UNC13A: variants seen among roughly 807,000 people sequenced by gnomAD.
UNC13A encodes the protein unc-13 homolog A, also known as protein unc-13 homolog A.
Under a neutral mutation model 219.7 loss-of-function variants are expected in UNC13A, and 61 were observed. That is an observed-to-expected ratio of 0.28 (90% CI 0.23 to 0.34). UNC13A has a LOEUF of 0.34. Among genes scored for constraint, UNC13A ranks in the 10% least tolerant of loss-of-function variants. The pLI, the probability that UNC13A is intolerant of heterozygous loss-of-function variation, is 1.00. For missense variants in UNC13A, 1,476 were observed against 2,270.3 expected, an observed-to-expected ratio of 0.65 and a Z score of 7.11; for synonymous variants, 920 against 884.6, an observed-to-expected ratio of 1.04 and a Z score of -0.71.
chr19:17,672,072 A>G (rs1341510634), intron 4 of UNC13A, among the ~76,000 whole-genome samples: 1 of 152,136 alleles, frequency 6.6e-6, no homozygotes, highest in Admixed American at 6.6e-5. Context: ...GTTCTGGCCA[A>G]TGAGATGTGC....
At chr19:17,644,989 C>G (rs913882645) in intron 19 of UNC13A, among the ~76,000 whole-genome samples, 7 of 148,964 alleles carry the variant, frequency 4.7e-5, no homozygotes, top group African/African-American at 1.7e-4. Flanking sequence ...AGCCACTGCC[C>G]GGCGCCCCCA....
At chr19:17,653,249 G>T (rs572875012) in intron 11 of UNC13A, among the ~76,000 whole-genome samples, 138 of 151,772 alleles carry the variant, frequency 9.1e-4, no homozygotes, top group African/African-American at 3.2e-3. Flanking sequence ...TGAACTCCTG[G>T]CCTCATGTGA....
intron 1 of UNC13A, among the ~76,000 whole-genome samples, chr19:17,680,889 CTTTTTTTTTTTTTTTT>C (rs375785182): frequency 2.1e-5 from 1 of 48,696 alleles, no homozygotes; most frequent in Admixed American, 2.8e-4. Context: ...CTTTTCTTTT[CTTTTTTTTTTTTTTTT>C]TTTTTTTGAC....
chr19:17,620,870 C>G, intron 37 of UNC13A, 148 bp from the exon 38 acceptor site: 1 of 839,858 alleles, frequency 1.2e-6, no homozygotes, highest in Non-Finnish European at 2.0e-6. Flanking sequence ...GCCCCCTCCC[C>G]AGCTAGCACC....
At chr19:17,637,171 C>T (rs1365789200) in intron 25 of UNC13A, among the ~76,000 whole-genome samples, 2 of 151,946 alleles carry the variant, frequency 1.3e-5, no homozygotes, top group African/African-American at 4.8e-5. Context: ...GATAGGGTCT[C>T]GCTATGTTGC....
rs75318204 is a variant in UNC13A, at chr19:17,642,032, A to C, written c.2473-476T>G. ...TTCATCCATTTGTCCATCTGCCTATACATCCATCCATCCATCCATCCATCT... is the reference window on the plus strand; with the variant it reads ...TTCATCCATTTGTCCATCTGCCTATCCATCCATCCATCCATCCATCCATCT... On this transcript the variant is annotated intron_variant, in intron 20 of 43. Transcript: ENST00000519716. 3.0e-3 allele frequency among the ~76,000 whole-genome samples: 448 copies of C among 150,386 alleles called. 4 individuals carry two copies. The highest frequency in any genetic ancestry group is 0.011 in the African/African-American group (440 of 40,756).
chr19:17,616,341 G>C lies in UNC13A; in HGVS notation c.4558+1361C>G, dbSNP rs546809767. ...CAGAAGGACGATCCTTTTACTAGCC[G>C]GGGCCAGGAGGGGCGCAGGCACCGG... On this transcript the variant is annotated intron_variant, in intron 41 of 43. Transcript: ENST00000519716. 3.0e-4 allele frequency: 202 copies of C among 670,602 alleles called. No individual in the cohort carries two copies. In the African/African-American group the frequency reaches 3.2e-3, roughly 11 times the overall value. The allele number at this position is 670,602 out of a possible 1,614,324, so 41.5% of individuals were successfully genotyped here.
At chr19:17,614,988 T>G (rs1219643222) in intron 41 of UNC13A, among the ~76,000 whole-genome samples, 1 of 152,062 alleles carries the variant, frequency 6.6e-6, no homozygotes, top group African/African-American at 2.4e-5. Flanking sequence ...GGTGCCCCCA[T>G]CCCGTGCTTT....
intron 4 of UNC13A, among the ~76,000 whole-genome samples, chr19:17,670,563 T>A (rs1218625883): frequency 6.6e-6 from 1 of 151,566 alleles, no homozygotes; most frequent in East Asian, 2.0e-4. Context: ...CTCGCTTACC[T>A]AGATTGTTGC....
At chr19:17,666,510 T>G (rs1441836010) in intron 7 of UNC13A, 140 bp downstream of exon 7, 1 of 589,710 alleles carries the variant, frequency 1.7e-6, no homozygotes, top group Non-Finnish European at 2.6e-6. Flanking sequence ...GAACGCTGAT[T>G]TCTAATACAC....
intron 8 of UNC13A, among the ~76,000 whole-genome samples, chr19:17,661,869 C>T (rs2079556348): frequency 6.6e-6 from 1 of 152,102 alleles, no homozygotes; most frequent in Non-Finnish European, 1.5e-5. Context: ...AGTGAAGTTT[C>T]ATCTGTATTT....
At position 17,666,688 on chromosome 19, in the gene UNC13A, T is replaced by C. The variant is rs370472434; in HGVS notation, c.485A>G (p.Glu162Gly). Reference protein sequence around the residue: ...RDQDEYSFQDEQDKPLPVPSN... With the variant: ...RDQDEYSFQDGQDKPLPVPSN... ...GGGGACAGGCAGAGGCTTGTCTTGC[T>C]CATCTTGGAACGAATACTGAAGGGG... The change falls in exon 7 of 44, where the codon GAG (glutamate) becomes GGG (glycine). Residue 162 changes from glutamate (E) to glycine (G), a missense_variant. Transcript: ENST00000519716. 12 of 1,529,062 alleles carry C rather than the reference T, an allele frequency of 7.8e-6. No homozygotes were observed. In the African/African-American group the frequency reaches 1.4e-4, roughly 18 times the overall value. 94.7% of individuals were successfully genotyped at this position (1,529,062 alleles called of 1,614,324 possible).
intron 8 of UNC13A, among the ~76,000 whole-genome samples, chr19:17,659,912 T>C (rs892389793): frequency 2.0e-5 from 3 of 152,178 alleles, no homozygotes; most frequent in Non-Finnish European, 4.4e-5. Context: ...TATTCATCCA[T>C]TCATTTAGAC....
In UNC13A at chr19:17,603,125, G is replaced by A. The variant is rs73922143; in HGVS notation, c.*2929C>T. On this transcript the variant is annotated 3_prime_UTR_variant, in exon 44 of 44. Transcript: ENST00000519716. ...AAAGAGGGTGGAAATTGCAAAAACA[G>A]TTCTAGCCTGGGAGTCAGGAAAACT... 1 of 152,150 alleles carries A rather than the reference G, an allele frequency of 6.6e-6. No individual in the cohort carries two copies. The highest frequency in any genetic ancestry group is 1.9e-4 in the East Asian group (1 of 5,206). 9.4% of individuals were successfully genotyped at this position (152,150 alleles called of 1,614,324 possible).
At chr19:17,672,712 C>G (rs1202245080) in intron 3 of UNC13A, among the ~76,000 whole-genome samples, 1 of 152,082 alleles carries the variant, frequency 6.6e-6, no homozygotes, top group Non-Finnish European at 1.5e-5. Flanking sequence ...ACAAAAGAAC[C>G]AGGATTCAAA....
chr19:17,687,119 A>C (rs981408391), intron 1 of UNC13A, among the ~76,000 whole-genome samples: 2 of 152,236 alleles, frequency 1.3e-5, no homozygotes, highest in Admixed American at 1.3e-4. Flanking sequence ...TTGATTTCTC[A>C]AACGGGAGTG....
At position 17,626,677 on chromosome 19, in the gene UNC13A, G is replaced by A. The variant is rs113693450; in HGVS notation, c.4029C>T (p.Asp1343=). ...PASACSSVAQ[D]ADNVLQPIMD... Reference sequence around the variant, plus strand: ...TGATGGGCTGCAACACATTGTCCGCGTCCTGGGCCACGCTGCTGCAGGCAC... The same window carrying A: ...TGATGGGCTGCAACACATTGTCCGCATCCTGGGCCACGCTGCTGCAGGCAC... The change falls in exon 34 of 44, where the codon GAC becomes GAT. Residue 1343 remains aspartate, a synonymous_variant. Coordinates refer to ENST00000519716, the MANE Select transcript of UNC13A (RefSeq NM_001080421.3). The A allele has an allele frequency of 0.048, 76,171 of 1,583,490 alleles. 2,069 individuals carry two copies. Among genetic ancestry groups the A allele is most frequent in the Non-Finnish European group, 0.055 (64,393 of 1,164,520 alleles).
rs1599413826 is a variant in UNC13A, at chr19:17,676,250, A to C, written c.23-209T>G. 1.7e-5 allele frequency: 12 copies of C among 687,458 alleles called. No individual in the cohort carries two copies. The East Asian group carries it at 3.3e-4, about 19-fold the overall frequency. The allele number at this position is 687,458 out of a possible 1,614,324, so 42.6% of individuals were successfully genotyped here. ...CAGAGACAGAGACAAGGGGAGGAGG[A>C]GAGGTAGGAAAGAGGAGGCAGGGAT... is the stretch of plus-strand genomic sequence containing the variant. On this transcript the variant is annotated intron_variant, in intron 1 of 43. Transcript: ENST00000519716.
intron 15 of UNC13A, 98 bp downstream of exon 15, chr19:17,648,814 C>A (rs1422972142): frequency 8.0e-6 from 12 of 1,504,378 alleles, no homozygotes; most frequent in Non-Finnish European, 1.1e-5. Context: ...CACACACACA[C>A]CCTTCCTCTT....
Sources: gnomAD v4.1 joint callset for allele counts (sites outside exome capture counted in the v4.1 genomes callset) on GRCh38, gnomAD v4.1.1 for gene constraint, MANE v1.5 for transcripts, NCBI Gene and HGNC (gene_info 2026-07-23, HGNC 2026-07-21) for gene names.